RELL1: variants seen among roughly 807,000 people sequenced by gnomAD.
RELL1 encodes the protein RELT-like protein 1.
In RELL1, 10 loss-of-function variants were observed where a neutral mutation model predicts 23.0. That is an observed-to-expected ratio of 0.43 (90% CI 0.27 to 0.74). RELL1 has a LOEUF of 0.74. Among genes scored for constraint, RELL1 ranks in the 30% least tolerant of loss-of-function variants. The pLI, the probability that RELL1 is intolerant of heterozygous loss-of-function variation, is 0.19. For synonymous variants in RELL1, 146 were observed against 146.8 expected (o/e 0.99, Z 0.04); for missense variants, 315 against 364.4 (o/e 0.86, Z 1.10).
chr4:37,593,309 G>A (rs1206511252), intron 6 of RELL1, among the ~76,000 whole-genome samples: 1 of 152,102 alleles, frequency 6.6e-6, no homozygotes, highest in Non-Finnish European at 1.5e-5. Context: ...CAGGGTGGTA[G>A]AGAATGTATC....
intron 1 of RELL1, among the ~76,000 whole-genome samples, chr4:37,675,192 C>T (rs1357884298): frequency 6.6e-6 from 1 of 152,200 alleles, no homozygotes; most frequent in Non-Finnish European, 1.5e-5. Flanking sequence ...TTATAAGATG[C>T]CTTTGTATTC....
intron 1 of RELL1, among the ~76,000 whole-genome samples, chr4:37,668,882 G>A (rs1457424631): frequency 2.0e-5 from 3 of 151,492 alleles, no homozygotes; most frequent in Non-Finnish European, 4.4e-5. Context: ...CGTCCGGGAT[G>A]TGAGGAGCGT....
intron 6 of RELL1, among the ~76,000 whole-genome samples, chr4:37,622,349 T>G (rs896718395): frequency 6.6e-6 from 1 of 152,234 alleles, no homozygotes; most frequent in African/African-American, 2.4e-5. Flanking sequence ...ATCACACTGG[T>G]GTCCTCTTGA....
rs1720747904 is a variant in RELL1 at position 37,647,434 on chromosome 4, T to G, written c.319A>C (p.Asn107His). 1 of 1,610,780 alleles carries G rather than the reference T, an allele frequency of 6.2e-7. No individual in the cohort carries two copies. Among genetic ancestry groups the G allele is most frequent in the Non-Finnish European group, 8.5e-7 (1 of 1,177,168 alleles). The change falls in exon 3 of 7, where the codon AAT (asparagine) becomes CAT (histidine). Residue 107 changes from asparagine to histidine, a missense_variant. By Grantham distance (68) the Asn-to-His change is moderately conservative (BLOSUM62 1). Coordinates refer to ENST00000454158, the MANE Select transcript of RELL1 (RefSeq NM_001085400.2). Reference sequence around the variant, plus strand: ...TCACTGTTTTCATTCACACTGTCATTCAATTCTGAAAGAGAAAAGAGGAGG... The same window carrying G: ...TCACTGTTTTCATTCACACTGTCATGCAATTCTGAAAGAGAAAAGAGGAGG... ...EEEKVEKIEL[N>H]DSVNENSDTV...
intron 1 of RELL1, among the ~76,000 whole-genome samples, chr4:37,685,385 C>A (rs1242348984): frequency 3.3e-5 from 5 of 151,940 alleles, no homozygotes; most frequent in African/African-American, 1.2e-4. Context: ...AGAGGGGAAG[C>A]GGTGGTAAGG....
At chr4:37,678,171 G>A (rs917965016) in intron 1 of RELL1, among the ~76,000 whole-genome samples, 2 of 152,116 alleles carry the variant, frequency 1.3e-5, no homozygotes. Flanking sequence ...AGAGAGTTGG[G>A]GGGGAGGTAC....
At chr4:37,670,886 T>TTTTAAAAGATTTTTAAAAAGA (rs1721812645) in intron 1 of RELL1, among the ~76,000 whole-genome samples, 1 of 152,196 alleles carries the variant, frequency 6.6e-6, no homozygotes, top group Admixed American at 6.5e-5. Flanking sequence ...CACTAAATCT[T>TTTTAAAAGATTTTTAAAAAGA]TTAAAAACAC....
At chr4:37,627,884 G>T (rs1284221711) in intron 6 of RELL1, among the ~76,000 whole-genome samples, 1 of 152,124 alleles carries the variant, frequency 6.6e-6, no homozygotes. Context: ...GAGACACATA[G>T]CACTCCTCTC....
chr4:37,593,923 A>AG (rs1178886632), intron 6 of RELL1, among the ~76,000 whole-genome samples: 1 of 152,208 alleles, frequency 6.6e-6, no homozygotes, highest in East Asian at 1.9e-4. Flanking sequence ...CAGACAAAGA[A>AG]GGGGTAGGGT....
chr4:37,666,402 G>A (rs776923589), intron 1 of RELL1, among the ~76,000 whole-genome samples: 4 of 152,140 alleles, frequency 2.6e-5, no homozygotes, highest in Non-Finnish European at 4.4e-5. Context: ...TGAAGCCCCA[G>A]GCAAGGTCAA....
At chr4:37,658,498 T>A (rs1010695357) in intron 1 of RELL1, among the ~76,000 whole-genome samples, 2 of 152,236 alleles carry the variant, frequency 1.3e-5, no homozygotes, top group African/African-American at 4.8e-5. Flanking sequence ...TTACCAGTGT[T>A]ATCCTCACAT....
intron 3 of RELL1, among the ~76,000 whole-genome samples, chr4:37,644,989 C>A (rs146599228): frequency 2.0e-5 from 3 of 152,214 alleles, no homozygotes; most frequent in Non-Finnish European, 4.4e-5. Context: ...TAGTTAAGTA[C>A]GGTGGGCTTC....
chr4:37,608,324 T>C (rs1306903142), downstream of RELL1, among the ~76,000 whole-genome samples: 1 of 152,180 alleles, frequency 6.6e-6, no homozygotes, highest in Non-Finnish European at 1.5e-5. Flanking sequence ...AAATTAGGCC[T>C]CCTGTACCAA....
chr4:37,663,409 T>C (rs1577599705), intron 1 of RELL1, among the ~76,000 whole-genome samples: 1 of 152,200 alleles, frequency 6.6e-6, no homozygotes, highest in East Asian at 1.9e-4. Flanking sequence ...GAAGAAGTCA[T>C]TTGTTTGAAG....
At chr4:37,634,519 G>A (rs938829935) in intron 5 of RELL1, among the ~76,000 whole-genome samples, 27 of 152,330 alleles carry the variant, frequency 1.8e-4, no homozygotes, top group African/African-American at 6.0e-4. Flanking sequence ...AGCCACAAAC[G>A]AAGGGGGCCT....
chr4:37,665,467 C>T, intron 1 of RELL1: 1 of 360,280 alleles, frequency 2.8e-6, no homozygotes, highest in Non-Finnish European at 5.5e-6. Context: ...TCACAGGACT[C>T]CAATTCATCC....
At chr4:37,662,876 C>T (rs2109299630) in intron 1 of RELL1, among the ~76,000 whole-genome samples, 1 of 152,216 alleles carries the variant, frequency 6.6e-6, no homozygotes, top group African/African-American at 2.4e-5. Flanking sequence ...CTTCTGGACT[C>T]TTCCAGAGTA....
chr4:37,663,349 GA>G (rs1721420607), intron 1 of RELL1, among the ~76,000 whole-genome samples: 1 of 152,142 alleles, frequency 6.6e-6, no homozygotes, highest in Non-Finnish European at 1.5e-5. Context: ...TGGCTCTTGC[GA>G]ACCTTTAAAA....
At chr4:37,637,984 G>C (rs1157787849) in intron 4 of RELL1, among the ~76,000 whole-genome samples, 1 of 152,116 alleles carries the variant, frequency 6.6e-6, no homozygotes, top group Non-Finnish European at 1.5e-5. Context: ...TTTTATAGAT[G>C]ATGGAACTCA....
Sources: gnomAD v4.1 joint callset for allele counts (sites outside exome capture counted in the v4.1 genomes callset) on GRCh38, gnomAD v4.1.1 for gene constraint, MANE v1.5 for transcripts, NCBI Gene and HGNC (gene_info 2026-07-23, HGNC 2026-07-21) for gene names.